DNASE1: variants seen among roughly 807,000 people sequenced by gnomAD.
DNASE1 encodes the protein deoxyribonuclease-1.
DNASE1 carries 40 observed loss-of-function variants against 33.9 expected under a neutral mutation model. The ratio of observed to expected loss-of-function variants is 1.18; its 90% CI spans 0.92 to 1.54. The LOEUF is 1.54. Among genes scored for constraint, DNASE1 ranks in the 40% most tolerant of loss-of-function variants. DNASE1 has a pLI of 0.00. For synonymous variants in DNASE1, 216 were observed against 160.0 expected (o/e 1.35, Z -2.64); for missense variants, 518 against 372.6 (o/e 1.39, Z -3.21).
chr16:3,645,554 G>A (rs567287216), intron 1 of DNASE1, among the ~76,000 whole-genome samples: 5 of 152,304 alleles, frequency 3.3e-5, no homozygotes, highest in Admixed American at 2.6e-4. Flanking sequence ...TGCAGAAAGC[G>A]GCAGCACTGG....
exon 10 of DNASE1, chr16:3,663,355 G>A (rs971616034): frequency 8.8e-6 from 14 of 1,587,046 alleles, no homozygotes; most frequent in Admixed American, 1.7e-5. Flanking sequence ...GGAAGCCCTC[G>A]CTGCGGGGCA....
downstream of DNASE1, chr16:3,662,521 C>G (rs1240678242): frequency 1.9e-5 from 10 of 528,552 alleles, no homozygotes; most frequent in Non-Finnish European, 3.5e-5. Context: ...GAAGCCCACC[C>G]AAAACCCCCG....
At chr16:3,664,529 G>A (rs1024143261) in exon 10 of DNASE1, 33 of 1,490,488 alleles carry the variant, frequency 2.2e-5, no homozygotes, top group Middle Eastern at 1.7e-4. Context: ...CTAACTGGGC[G>A]CAAACCCTCC....
At chr16:3,654,037 C>A, upstream of DNASE1, 1 of 194,162 alleles carries the variant, frequency 5.2e-6, no homozygotes, top group Non-Finnish European at 1.0e-5. Flanking sequence ...TGAGCCCTGG[C>A]GGTTGAGGCT....
chr16:3,626,636 G>C lies in DNASE1; in HGVS notation c.-1358-14079G>C, dbSNP rs562383409. 4.6e-5 allele frequency among the ~76,000 whole-genome samples: 7 copies of C among 152,314 alleles called. No individual in the cohort carries two copies. In the East Asian group the frequency reaches 9.6e-4, roughly 21 times the overall value. On this transcript the variant is annotated intron_variant and NMD_transcript_variant, in intron 1 of 11. Coordinates refer to the DNASE1 transcript ENST00000570769. ...TAGGTGGAGTGTCCTCTAGATGTCA[G>C]TTAGATCCAGTTGGTTGATGATGGT...
At chr16:3,662,929 T>TG, downstream of DNASE1, 1 of 1,613,022 alleles carries the variant, frequency 6.2e-7, no homozygotes. Context: ...ATCCAGGCCA[T>TG]GAGCTCCTCC....
At chr16:3,659,192 G>A (rs766656931), downstream of DNASE1, 28 of 246,180 alleles carry the variant, frequency 1.1e-4, no homozygotes, top group Non-Finnish European at 1.7e-4. Context: ...AGACCCACAT[G>A]TTGAAACATA....
At chr16:3,628,822 G>A (rs1482028561) in intron 1 of DNASE1, among the ~76,000 whole-genome samples, 1 of 147,444 alleles carries the variant, frequency 6.8e-6, no homozygotes, top group Non-Finnish European at 1.5e-5. Context: ...GCTTCCCAAA[G>A]TGCTGGGATT....
At position 3,656,618 on chromosome 16, in the gene DNASE1, C is replaced by T. The variant is rs754130751; in HGVS notation, c.321-20C>T. The T allele has an allele frequency of 3.1e-6, 5 of 1,596,470 alleles. No individual in the cohort carries two copies. The highest frequency in any genetic ancestry group is 3.4e-6 in the Non-Finnish European group (4 of 1,170,834). ...AGCTTCCAGCCTGGGGTCACCTCCTCCTGCCCGGCCTTCCCGCAGGCCTGA... is the reference window on the plus strand; with the variant it reads ...AGCTTCCAGCCTGGGGTCACCTCCTTCTGCCCGGCCTTCCCGCAGGCCTGA... On this transcript the variant is annotated intron_variant, in intron 4 of 8. Coordinates refer to ENST00000246949, the MANE Select transcript of DNASE1 (RefSeq NM_005223.4).
upstream of DNASE1, chr16:3,654,370 GCA>G (rs1447623685): frequency 2.5e-6 from 1 of 398,712 alleles, no homozygotes; most frequent in African/African-American, 2.1e-5. Flanking sequence ...CCAGCCTCCT[GCA>G]GAGTTGCCTG....
chr16:3,658,468 G>C (rs1383945208), downstream of DNASE1: 1 of 581,714 alleles, frequency 1.7e-6, no homozygotes, highest in Non-Finnish European at 3.0e-6. Context: ...TGGCTCACGA[G>C]GTCAGGAGAT....
intron 1 of DNASE1, among the ~76,000 whole-genome samples, chr16:3,647,427 C>T (rs115828913): frequency 6.6e-6 from 1 of 152,062 alleles, no homozygotes; most frequent in African/African-American, 2.4e-5. Flanking sequence ...ATGTGTGCCT[C>T]CATGCCTGGC....
At chr16:3,616,756 A>G (rs1350438189) in intron 1 of DNASE1, among the ~76,000 whole-genome samples, 2 of 152,242 alleles carry the variant, frequency 1.3e-5, no homozygotes, top group Non-Finnish European at 2.9e-5. Context: ...TACAAGCTAT[A>G]GTAATCAAGA....
intron 1 of DNASE1, among the ~76,000 whole-genome samples, chr16:3,622,488 C>T (rs960393211): frequency 6.6e-6 from 1 of 151,898 alleles, no homozygotes; most frequent in Non-Finnish European, 1.5e-5. Context: ...TAATCTTTTT[C>T]CTATTGGTTT....
At chr16:3,624,438 G>C (rs979571460) in intron 1 of DNASE1, among the ~76,000 whole-genome samples, 18 of 152,142 alleles carry the variant, frequency 1.2e-4, no homozygotes, top group African/African-American at 4.3e-4. Context: ...CTAGGCACTG[G>C]GTTAGCGTCC....
intron 1 of DNASE1, among the ~76,000 whole-genome samples, chr16:3,615,441 A>G (rs1347944197): frequency 6.6e-6 from 1 of 152,202 alleles, no homozygotes; most frequent in East Asian, 1.9e-4. Context: ...GAAGTCACCC[A>G]GTATGACTAA....
intron 1 of DNASE1, among the ~76,000 whole-genome samples, chr16:3,614,272 C>G (rs2041021725): frequency 6.6e-6 from 1 of 152,018 alleles, no homozygotes; most frequent in Non-Finnish European, 1.5e-5. Context: ...TGGTCTCAAA[C>G]TCCTGACATC....
At chr16:3,628,777 T>G (rs1233601893) in intron 1 of DNASE1, among the ~76,000 whole-genome samples, 2 of 149,518 alleles carry the variant, frequency 1.3e-5, no homozygotes, top group South Asian at 2.1e-4. Flanking sequence ...GCCAGGATGG[T>G]CTCGATCTCC....
chr16:3,658,218 C>G, downstream of DNASE1: 1 of 1,613,678 alleles, frequency 6.2e-7, no homozygotes, highest in Non-Finnish European at 8.5e-7. Flanking sequence ...GCAATCATGG[C>G]GTTCTCGTAT....
Sources: gnomAD v4.1 joint callset for allele counts (sites outside exome capture counted in the v4.1 genomes callset) on GRCh38, gnomAD v4.1.1 for gene constraint, MANE v1.5 for transcripts, NCBI Gene and HGNC (gene_info 2026-07-23, HGNC 2026-07-21) for gene names.